Variants in NPSR1 observed in about 807,000 individuals in gnomAD.
NPSR1 encodes neuropeptide S receptor 1.
Under a neutral mutation model 46.9 loss-of-function variants are expected in NPSR1, and 48 were observed. The ratio of observed to expected loss-of-function variants is 1.02; its 90% CI spans 0.81 to 1.30. The LOEUF is 1.30. Ranked by LOEUF, NPSR1 falls within the 50% of genes most tolerant of loss-of-function variation. The probability of loss-of-function intolerance (pLI) is 0.00; values close to 1 mark genes in which losing one functional copy is unlikely to be tolerated. For synonymous variants in NPSR1, 176 were observed against 168.1 expected, an observed-to-expected ratio of 1.05 and a Z score of -0.36; for missense variants, 450 against 449.5, an observed-to-expected ratio of 1.00 and a Z score of -0.01.
intron 3 of NPSR1, among the ~76,000 whole-genome samples, chr7:34,785,271 T>C (rs988408120): frequency 2.0e-5 from 3 of 151,086 alleles, no homozygotes; most frequent in Non-Finnish European, 4.4e-5. Flanking sequence ...CTCAGTAAAC[T>C]ATTGCAAGGA....
chr7:34,701,265 A>G (rs1351167368), intron 2 of NPSR1, among the ~76,000 whole-genome samples: 5 of 152,246 alleles, frequency 3.3e-5, no homozygotes, highest in South Asian at 4.1e-4. Context: ...AAGAAATTCA[A>G]TTGCCATATA....
chr7:34,798,820 T>G (rs998929929), intron 3 of NPSR1, among the ~76,000 whole-genome samples: 2 of 152,184 alleles, frequency 1.3e-5, no homozygotes, highest in Non-Finnish European at 2.9e-5. Context: ...AACAGAAGGA[T>G]AGCTGAAAAT....
intron 2 of NPSR1, chr7:34,723,423 T>G (rs956645186): frequency 6.6e-6 from 1 of 152,434 alleles, no homozygotes; most frequent in Admixed American, 6.6e-5. Context: ...GTCATCACAC[T>G]GACAGGATCT....
At chr7:34,711,096 T>C in intron 2 of NPSR1, 1 of 306,946 alleles carries the variant, frequency 3.3e-6, no homozygotes, top group Non-Finnish European at 6.5e-6. Context: ...CTTCTTCGCC[T>C]TTGTCAGATC....
At chr7:34,803,442 T>TCATTCTCAG (rs1193532753) in intron 3 of NPSR1, among the ~76,000 whole-genome samples, 7 of 152,154 alleles carry the variant, frequency 4.6e-5, no homozygotes, top group Admixed American at 3.9e-4. Context: ...TTGGAAATCA[T>TCATTCTCAG]CATTCTCAGT....
At chr7:34,841,510 A>G (rs1185202821) in intron 6 of NPSR1, among the ~76,000 whole-genome samples, 1 of 152,250 alleles carries the variant, frequency 6.6e-6, no homozygotes, top group East Asian at 1.9e-4. Context: ...ATTAATGCAC[A>G]GTGACAGCTG....
At chr7:34,843,904 C>T (rs893481632) in intron 6 of NPSR1, among the ~76,000 whole-genome samples, 2 of 152,216 alleles carry the variant, frequency 1.3e-5, no homozygotes, top group East Asian at 3.9e-4. Flanking sequence ...CCCATTGAGC[C>T]CCACTGGGTG....
chr7:34,788,729 A>G (rs897590097), intron 3 of NPSR1, among the ~76,000 whole-genome samples: 19 of 152,076 alleles, frequency 1.2e-4, no homozygotes, highest in Admixed American at 6.6e-5. Flanking sequence ...TCAAAATCCC[A>G]CTTTTAATAA....
intron 1 of NPSR1, among the ~76,000 whole-genome samples, chr7:34,682,476 A>G (rs970578113): frequency 6.6e-6 from 1 of 152,170 alleles, no homozygotes; most frequent in African/African-American, 2.4e-5. Context: ...TGTCAGCACC[A>G]TGGTGTCAGT....
chr7:34,778,082 C>T (rs1399365453), intron 2 of NPSR1, among the ~76,000 whole-genome samples: 1 of 152,096 alleles, frequency 6.6e-6, no homozygotes, highest in Non-Finnish European at 1.5e-5. Context: ...GAAGTATTCT[C>T]CAAAGATAAC....
intron 2 of NPSR1, among the ~76,000 whole-genome samples, chr7:34,734,079 A>G (rs1362946923): frequency 6.6e-6 from 1 of 152,194 alleles, no homozygotes; most frequent in Non-Finnish European, 1.5e-5. Context: ...AAGAAACCAG[A>G]TTGGAGGAGG....
At chr7:34,715,216 T>C (rs1386013384) in intron 2 of NPSR1, among the ~76,000 whole-genome samples, 1 of 152,190 alleles carries the variant, frequency 6.6e-6, no homozygotes, top group Non-Finnish European at 1.5e-5. Context: ...TTACCTAGTT[T>C]AGAAAAATCA....
At chr7:34,744,705 ACATC>A (rs1395264186) in intron 2 of NPSR1, among the ~76,000 whole-genome samples, 1 of 152,212 alleles carries the variant, frequency 6.6e-6, no homozygotes, top group African/African-American at 2.4e-5. Flanking sequence ...ATTCAAAACA[ACATC>A]CATCATCTCT....
At chr7:34,814,744 C>T (rs1306981161) in intron 4 of NPSR1, among the ~76,000 whole-genome samples, 2 of 152,220 alleles carry the variant, frequency 1.3e-5, no homozygotes, top group Non-Finnish European at 2.9e-5. Flanking sequence ...TTGCTGTTCA[C>T]AGCCTCTGCT....
At chr7:34,819,749 G>T (rs1167740503) in intron 4 of NPSR1, among the ~76,000 whole-genome samples, 1 of 152,134 alleles carries the variant, frequency 6.6e-6, no homozygotes, top group Admixed American at 6.6e-5. Context: ...CCATAAAAAA[G>T]GATGAGTTTG....
intron 8 of NPSR1, among the ~76,000 whole-genome samples, chr7:34,865,591 C>A (rs1791293162): frequency 6.6e-6 from 1 of 151,772 alleles, no homozygotes; most frequent in Non-Finnish European, 1.5e-5. Flanking sequence ...TTGTGCAGCT[C>A]TTTTCTTGAT....
chr7:34,860,250 T>A (rs1230353827), intron 8 of NPSR1, among the ~76,000 whole-genome samples: 5 of 151,768 alleles, frequency 3.3e-5, no homozygotes, highest in Admixed American at 3.3e-4. Context: ...GCTGATGTGA[T>A]ACCTTATCAA....
At chr7:34,762,766 A>T (rs558033873) in intron 2 of NPSR1, among the ~76,000 whole-genome samples, 2 of 152,314 alleles carry the variant, frequency 1.3e-5, no homozygotes, top group Admixed American at 6.5e-5. Flanking sequence ...CACCACAATT[A>T]AGGATAAAAG....
intron 2 of NPSR1, among the ~76,000 whole-genome samples, chr7:34,776,893 G>A (rs1394532602): frequency 6.6e-6 from 1 of 152,198 alleles, no homozygotes; most frequent in Non-Finnish European, 1.5e-5. Flanking sequence ...GCCTCTCAGA[G>A]CTGACTAGTG....
Sources: allele counts gnomAD v4.1 joint callset (sites outside exome capture counted in the v4.1 genomes callset), GRCh38; gene constraint gnomAD v4.1.1; transcripts MANE v1.5; gene names NCBI Gene and HGNC (gene_info 2026-07-23, HGNC 2026-07-21).